SLC22A6: variants seen among roughly 807,000 people sequenced by gnomAD.
The protein encoded by SLC22A6 is solute carrier family 22 member 6.
In SLC22A6, 45 loss-of-function variants were observed where a neutral mutation model predicts 56.7. The ratio of observed to expected loss-of-function variants is 0.79; its 90% confidence interval spans 0.63 to 1.02. The LOEUF is 1.02. Ranked by LOEUF, SLC22A6 falls within the 50% of genes least tolerant of loss-of-function variation. The pLI is 0.00. For missense variants in SLC22A6, 606 were observed against 713.8 expected (o/e 0.85, Z 1.72); for synonymous variants, 291 against 295.9 (o/e 0.98, Z 0.17).
Position 62,983,423 on chromosome 11 carries a change from C to A in SLC22A6, c.628+114G>T. ...GTTCTATTGGCAGGAAGGTGAGACCCGAGAGAGGCTGGAGGGCAGGCAGGG... is the reference window on the plus strand; with the variant it reads ...GTTCTATTGGCAGGAAGGTGAGACCAGAGAGAGGCTGGAGGGCAGGCAGGG... On this transcript the variant is annotated intron_variant, in intron 3 of 9. Coordinates refer to ENST00000360421, the MANE Select transcript of SLC22A6 (RefSeq NM_153276.3). The surrounding 1 kb of genome is among the most constrained non-coding windows in gnomAD (Gnocchi z 4.5). 5.5e-6 allele frequency: 6 copies of A among 1,085,488 alleles called. No homozygotes were observed. The highest frequency in any genetic ancestry group is 8.0e-6 in the Non-Finnish European group (6 of 749,658). 67.2% of individuals were successfully genotyped at this position (1,085,488 alleles called of 1,614,324 possible).
At chr11:62,980,059 C>A in intron 6 of SLC22A6, 111 bp from the exon 7 acceptor site, 1 of 709,808 alleles carries the variant, frequency 1.4e-6, no homozygotes, top group Non-Finnish European at 2.5e-6. Flanking sequence ...GAGCTGGAAT[C>A]TGCCTTGGCT....
intron 5 of SLC22A6, 71 bp from the exon 6 acceptor site, chr11:62,981,171 AGAG>A: frequency 6.2e-7 from 1 of 1,603,096 alleles, no homozygotes; most frequent in South Asian, 1.1e-5. Flanking sequence ...TCCCTTACTT[AGAG>A]GAGTTCCCTG....
At chr11:62,981,751 A>T in intron 4 of SLC22A6, 91 bp downstream of exon 4, 1 of 1,290,064 alleles carries the variant, frequency 7.8e-7, no homozygotes, top group Non-Finnish European at 1.0e-6. Context: ...CATTTGTGGG[A>T]TGGGATGTGT....
At position 62,983,599 on chromosome 11, in the gene SLC22A6, C is replaced by T. The variant is rs941840185; in HGVS notation, c.566G>A (p.Cys189Tyr). 1 of 1,598,508 alleles carries T rather than the reference C, an allele frequency of 6.3e-7. No individual in the cohort carries two copies. Among genetic ancestry groups the T allele is most frequent in the Non-Finnish European group, 8.5e-7 (1 of 1,172,628 alleles). The change falls in exon 3 of 10, where the codon TGC (cysteine) becomes TAC (tyrosine). Residue 189 changes from cysteine (C) to tyrosine (Y), a missense_variant. Cys to Tyr is a radical substitution (Grantham distance 194). Transcript: ENST00000360421. The surrounding 1 kb of genome is among the most constrained non-coding windows in gnomAD (Gnocchi z 4.5). ...AAFAPNFPIYCAFRLLSGMAL... is the reference protein window; with the variant it reads ...AAFAPNFPIYYAFRLLSGMAL... ...CATGCCCGAGAGGAGCCGGAAGGCGCAGTAGATGGGGAAGTTGGGTGCGAA... is the reference window on the plus strand; with the variant it reads ...CATGCCCGAGAGGAGCCGGAAGGCGTAGTAGATGGGGAAGTTGGGTGCGAA...
At position 62,981,788 on chromosome 11, in the gene SLC22A6, C is replaced by T; in HGVS notation, c.797+54G>A. ...CTGAGCTCTGGGAGATGTCCTGTCC[C>T]TTGCAGCCTCTGGGCTCCTGTGGCA... is the stretch of plus-strand genomic sequence containing the variant. On this transcript the variant is annotated intron_variant, in intron 4 of 9. Transcript: ENST00000360421. 2.0e-6 allele frequency: 3 copies of T among 1,526,202 alleles called. No homozygotes were observed. In the South Asian group the frequency reaches 3.8e-5, roughly 19 times the overall value. 94.5% of individuals were successfully genotyped at this position (1,526,202 alleles called of 1,614,324 possible).
In SLC22A6 at chr11:62,979,739, G is replaced by T. The variant is rs779855622; in HGVS notation, c.1247C>A (p.Pro416His). Reference sequence around the variant, plus strand: ...AGGTGCTCGTGGGTGCTCACCCTGGGGTATCACCCCATTGAGCAGGATGCA... The same window carrying T: ...AGGTGCTCGTGGGTGCTCACCCTGGTGTATCACCCCATTGAGCAGGATGCA... ...GICILLNGVIPQDQSIVRTSL... is the reference protein window; with the variant it reads ...GICILLNGVIHQDQSIVRTSL... Residue 416 changes from proline to histidine, a missense_variant, in exon 7 of 10, where the codon CCC (proline) becomes CAC (histidine). Coordinates refer to ENST00000360421, the MANE Select transcript of SLC22A6 (RefSeq NM_153276.3). 12 of 1,613,948 alleles carry T rather than the reference G, an allele frequency of 7.4e-6. No homozygotes were observed. The East Asian group carries it at 1.3e-4, about 18-fold the overall frequency.
In SLC22A6 at chr11:62,984,449, A is replaced by G; in HGVS notation, c.242T>C (p.Phe81Ser). 1.2e-6 allele frequency: 2 copies of G among 1,613,912 alleles called. No individual in the cohort carries two copies. Among genetic ancestry groups the G allele is most frequent in the Non-Finnish European group, 8.5e-7 (1 of 1,179,978 alleles). Residue 81 changes from phenylalanine to serine, a missense_variant, in exon 1 of 10, where the codon TTC becomes TCC. Phe to Ser is a radical substitution (Grantham distance 155). Coordinates refer to ENST00000360421, the MANE Select transcript of SLC22A6 (RefSeq NM_153276.3). ...GGGCAGTCCCCACTGCGGGGAGGTG[A>G]AGCGGAGGCAGGACTCAGGCTGCCC... ...RQGQPESCLR[F>S]TSPQWGLPFL...
Position 62,976,823 on chromosome 11 carries a change from C to A in SLC22A6, c.1624G>T (p.Ala542Ser), listed in dbSNP as rs768920898. 8 of 1,614,028 alleles carry A rather than the reference C, an allele frequency of 5.0e-6. No individual in the cohort carries two copies. Among genetic ancestry groups the A allele is most frequent in the African/African-American group, 1.3e-5 (1 of 75,058 alleles). The change falls in exon 10 of 10, where the codon GCC (alanine) becomes TCC (serine). Residue 542 changes from alanine to serine, a missense_variant. By Grantham distance (99) the Ala-to-Ser change is moderately conservative. Transcript: ENST00000360421. ...EHQKYMVPLQ[A>S]SAQEKNGL ...AGTCCATTCTTCTCTTGTGCTGAGG[C>A]CTGCAGTGGGACCATATACTTCTGG...
At chr11:62,981,191 G>C in intron 5 of SLC22A6, 69 bp downstream of exon 5, 1 of 1,604,976 alleles carries the variant, frequency 6.2e-7, no homozygotes, top group African/African-American at 1.3e-5. Flanking sequence ...CCTGGGCCCT[G>C]GGTCCTGGGT....
Position 62,983,435 on chromosome 11 carries a change from GA to G in SLC22A6, c.628+101del. The G allele has an allele frequency of 8.2e-7, 1 of 1,215,324 alleles. No individual in the cohort carries two copies. 75.3% of individuals were successfully genotyped at this position (1,215,324 alleles called of 1,614,324 possible). On this transcript the variant is annotated intron_variant, in intron 3 of 9. Coordinates refer to ENST00000360421, the MANE Select transcript of SLC22A6 (RefSeq NM_153276.3). The surrounding 1 kb of genome is among the most constrained non-coding windows in gnomAD (Gnocchi z 4.5). ...GGAAGGTGAGACCCGAGAGAGGCTG[GA>G]GGGCAGGCAGGGCTCAGGAGGGGCA...
Position 62,979,960 on chromosome 11 carries a change from A to T in SLC22A6, c.1038-12T>A, listed in dbSNP as rs752227844. 1.2e-6 allele frequency: 2 copies of T among 1,603,568 alleles called. No individual in the cohort carries two copies. ...AGCTAGTGGCAAACCTAGCAGAGAGAAGAGAGGAGTATGGAGTTTGTTAGG... is the reference window on the plus strand; with the variant it reads ...AGCTAGTGGCAAACCTAGCAGAGAGTAGAGAGGAGTATGGAGTTTGTTAGG... On this transcript the variant is annotated splice_polypyrimidine_tract_variant and intron_variant, in intron 6 of 9. Coordinates refer to ENST00000360421, the MANE Select transcript of SLC22A6 (RefSeq NM_153276.3).
chr11:62,983,459 G>A lies in SLC22A6; in HGVS notation c.628+78C>T, dbSNP rs1408001637. 1.2e-5 allele frequency: 18 copies of A among 1,456,818 alleles called. No homozygotes were observed. In the South Asian group the frequency reaches 1.7e-4, roughly 14 times the overall value. 90.2% of individuals were successfully genotyped at this position (1,456,818 alleles called of 1,614,324 possible). On this transcript the variant is annotated intron_variant, in intron 3 of 9. Transcript: ENST00000360421. This position sits in a 1 kb window ranked among gnomAD's most constrained non-coding sequence, Gnocchi z 4.5. The stretch of plus-strand genomic sequence containing the variant: ...GGAGGGCAGGCAGGGCTCAGGAGGG[G>A]CAGGCTGGGAGGGGAGGCTGGAAAG...
chr11:62,984,893 G>A lies in SLC22A6; in HGVS notation c.-203C>T. 3.4e-6 allele frequency: 2 copies of A among 593,982 alleles called. No homozygotes were observed. The highest frequency in any genetic ancestry group is 4.0e-5 in the South Asian group (2 of 49,836). 36.8% of individuals were successfully genotyped at this position (593,982 alleles called of 1,614,324 possible). On this transcript the variant is annotated 5_prime_UTR_variant, in exon 1 of 10. Coordinates refer to ENST00000360421, the MANE Select transcript of SLC22A6 (RefSeq NM_153276.3). ...CTCCTCCTTCTTCCCCGGTCTCCCT[G>A]ATCTGTCCCTCCCTTTTCCCTTGCA...
intron 3 of SLC22A6, 41 bp from the exon 4 acceptor site, chr11:62,982,051 C>T (rs2086262109): frequency 6.3e-7 from 1 of 1,586,682 alleles, no homozygotes; most frequent in African/African-American, 1.3e-5. Flanking sequence ...ACTACCTGGG[C>T]TGCTGGGCTA....
chr11:62,979,856 A>G lies in SLC22A6; in HGVS notation c.1130T>C (p.Val377Ala), dbSNP rs1299524911. The G allele has an allele frequency of 1.9e-6, 3 of 1,614,248 alleles. No individual in the cohort carries two copies. The highest frequency in any genetic ancestry group is 1.7e-5 in the Admixed American group (1 of 60,024). Residue 377 changes from valine to alanine, a missense_variant, in exon 7 of 10, where the codon GTG (valine) becomes GCG (alanine). Coordinates refer to ENST00000360421, the MANE Select transcript of SLC22A6 (RefSeq NM_153276.3). ...IYLIQVIFGA[V>A]DLPAKLVGFL... Reference sequence around the variant, plus strand: ...GCCCACAAGCTTGGCAGGCAGGTCCACAGCACCAAAGATCACCTGGATTAG... The same window carrying G: ...GCCCACAAGCTTGGCAGGCAGGTCCGCAGCACCAAAGATCACCTGGATTAG...
chr11:62,983,832 A>G lies in SLC22A6; in HGVS notation c.473+112T>C. The G allele has an allele frequency of 1.7e-6, 2 of 1,174,460 alleles. No individual in the cohort carries two copies. Among genetic ancestry groups the G allele is most frequent in the Non-Finnish European group, 2.4e-6 (2 of 831,794 alleles). 72.8% of individuals were successfully genotyped at this position (1,174,460 alleles called of 1,614,324 possible). ...CTGAAGTATGAGGCTGGTGCTGTAGATCCTCAAACCAGCGCCGGCTGGCAA... is the reference window on the plus strand; with the variant it reads ...CTGAAGTATGAGGCTGGTGCTGTAGGTCCTCAAACCAGCGCCGGCTGGCAA... On this transcript the variant is annotated intron_variant, in intron 2 of 9. Transcript: ENST00000360421. The surrounding 1 kb of genome is among the most constrained non-coding windows in gnomAD (Gnocchi z 4.5).
chr11:62,984,157 C>T, intron 1 of SLC22A6, 110 bp from the exon 2 acceptor site: 1 of 1,179,052 alleles, frequency 8.5e-7, no homozygotes, highest in African/African-American at 1.5e-5. Context: ...TCCTCCGGCA[C>T]TTTGCCCTTT....
Position 62,984,700 on chromosome 11 carries a change from C to T in SLC22A6, c.-10G>A. On this transcript the variant is annotated 5_prime_UTR_variant, in exon 1 of 10. Coordinates refer to ENST00000360421, the MANE Select transcript of SLC22A6 (RefSeq NM_153276.3). ...GGTCATTAAAGGCCATTGGGCCAGG[C>T]CCAGCCCAGTGGCTGGGGGCTGAGG... 2 of 1,610,102 alleles carry T rather than the reference C, an allele frequency of 1.2e-6. No individual in the cohort carries two copies. Among genetic ancestry groups the T allele is most frequent in the Non-Finnish European group, 1.7e-6 (2 of 1,179,008 alleles).
chr11:62,981,440 G>C lies in SLC22A6; in HGVS notation c.798-57C>G, dbSNP rs11568614. The C allele has an allele frequency of 5.8e-4, 528 of 906,654 alleles. 1 individual carries two copies. The highest frequency in any genetic ancestry group is 5.3e-4 in the Non-Finnish European group (325 of 614,286). 56.2% of individuals were successfully genotyped at this position (906,654 alleles called of 1,614,324 possible). ...TGGCTTCAGTTCCAGTCAGCTGGGT[G>C]GGGGGCTGGGGCTGGGCTTTCTAGG... On this transcript the variant is annotated intron_variant, in intron 4 of 9. Coordinates refer to ENST00000360421, the MANE Select transcript of SLC22A6 (RefSeq NM_153276.3).
Sources: gnomAD v4.1 joint callset for allele counts on GRCh38, gnomAD v4.1.1 for gene constraint, Gnocchi (gnomAD v3.1) non-coding constraint, MANE v1.5 for transcripts, NCBI Gene and HGNC (gene_info 2026-07-23, HGNC 2026-07-21) for gene names.